Variants in ANKRD30BL observed in about 807,000 individuals in gnomAD.
The protein encoded by ANKRD30BL is putative ankyrin repeat domain-containing protein 30B-like.
In ANKRD30BL, 20 loss-of-function variants were observed where a neutral mutation model predicts 18.4. The ratio of observed to expected loss-of-function variants is 1.09; its 90% CI spans 0.77 to 1.58. The LOEUF is 1.58. Ranked by LOEUF, ANKRD30BL falls within the 40% of genes most tolerant of loss-of-function variation. The probability of loss-of-function intolerance (pLI) is 0.00; values close to 1 mark genes in which losing one functional copy is unlikely to be tolerated. For missense variants in ANKRD30BL, 224 were observed against 268.6 expected (o/e 0.83, Z 1.16); for synonymous variants, 72 against 100.9 (o/e 0.71, Z 1.72).
intron 1 of ANKRD30BL, among the ~76,000 whole-genome samples, chr2:132,252,762 C>A (rs77382622): frequency 6.6e-6 from 1 of 152,052 alleles, no homozygotes; most frequent in East Asian, 1.9e-4. Context: ...CGTGAGACGA[C>A]GACGGCATGG....
intron 1 of ANKRD30BL, among the ~76,000 whole-genome samples, chr2:132,198,273 TTTC>T (rs1202718702): frequency 4.6e-3 from 130 of 28,456 alleles, no homozygotes; most frequent in African/African-American, 0.012. Context: ...CTTTCTTTTC[TTTC>T]TTTCTTTCTT....
At chr2:132,163,845 T>C (rs938264521), upstream of ANKRD30BL, among the ~76,000 whole-genome samples, 6 of 152,236 alleles carry the variant, frequency 3.9e-5, no homozygotes, top group African/African-American at 1.4e-4. Context: ...GACTTGAGTG[T>C]TAGATATGCT....
At position 132,186,547 on chromosome 2, in the gene ANKRD30BL, A is replaced by G. The variant is rs190977587; in HGVS notation, n.442-29401T>C. Among the ~76,000 whole-genome samples, 18 of 152,354 alleles carry G rather than the reference A, an allele frequency of 1.2e-4. 1 individual carries two copies. The Middle Eastern group carries it at 0.014, about 115-fold the overall frequency. On this transcript the variant is annotated intron_variant and non_coding_transcript_variant, in intron 1 of 4. Coordinates refer to the ANKRD30BL transcript ENST00000470729. ...GGAAAGCTTAATGTTAGTGTTTACC[A>G]TAGCCTTACTAATATAATCCTATAA...
intron 1 of ANKRD30BL, chr2:132,257,410 C>T (rs1680888833): frequency 1.2e-5 from 4 of 322,126 alleles, no homozygotes; most frequent in East Asian, 1.3e-4. Context: ...GACGCCGGCC[C>T]GGCCCGGCGG....
intron 1 of ANKRD30BL, among the ~76,000 whole-genome samples, chr2:132,185,584 A>G (rs1331124187): frequency 6.6e-6 from 1 of 152,218 alleles, no homozygotes; most frequent in African/African-American, 2.4e-5. Context: ...TGGTTATTAA[A>G]GCAAGTCTTG....
chr2:132,215,845 T>A (rs1004949208), intron 1 of ANKRD30BL, among the ~76,000 whole-genome samples: 2 of 152,114 alleles, frequency 1.3e-5, no homozygotes, highest in African/African-American at 4.8e-5. Context: ...ATTTGAGGCC[T>A]AAGGTGAAAA....
At chr2:132,255,307 C>T (rs573334050) in intron 1 of ANKRD30BL, among the ~76,000 whole-genome samples, 139 of 151,074 alleles carry the variant, frequency 9.2e-4, no homozygotes, top group African/African-American at 2.9e-3. Flanking sequence ...GCCTCAGTTC[C>T]GAAAACCAAC....
rs1193358076 is a variant in ANKRD30BL at position 132,187,188 on chromosome 2, GTT to G, written n.442-30044_442-30043del. On this transcript the variant is annotated intron_variant and non_coding_transcript_variant, in intron 1 of 4. Coordinates refer to the ANKRD30BL transcript ENST00000470729. ...AAGTTTTTTGTTTTTTTTTTTGTTT[GTT>G]TTTTTTTTTTTTTTTTTTTGAGAGA... Among the ~76,000 whole-genome samples, 271 of 90,632 alleles carry G rather than the reference GTT, an allele frequency of 3.0e-3. 2 individuals carry two copies. The highest frequency in any genetic ancestry group is 9.0e-3 in the African/African-American group (224 of 24,934). 59.5% of individuals were successfully genotyped at this position (90,632 alleles called of 152,430 possible). A position where few individuals can be genotyped will look rare whatever the true frequency, so the allele number is the denominator to read the frequency against.
At chr2:132,235,249 C>T (rs1208306621) in intron 1 of ANKRD30BL, among the ~76,000 whole-genome samples, 1 of 152,122 alleles carries the variant, frequency 6.6e-6, no homozygotes, top group Non-Finnish European at 1.5e-5. Flanking sequence ...TGGGCAAAAA[C>T]TGGAAGCATT....
intron 4 of ANKRD30BL, chr2:132,153,596 A>T: frequency 1.4e-6 from 1 of 734,592 alleles, no homozygotes; most frequent in Non-Finnish European, 2.3e-6. Flanking sequence ...TTCTGCAATC[A>T]TTCCACATGT....
At chr2:132,215,639 G>C (rs989110978) in intron 1 of ANKRD30BL, among the ~76,000 whole-genome samples, 1 of 151,746 alleles carries the variant, frequency 6.6e-6, no homozygotes, top group East Asian at 1.9e-4. Context: ...TCCTTTTGTA[G>C]CATCTGCAAG....
At chr2:132,162,872 G>A (rs1397222682), upstream of ANKRD30BL, among the ~76,000 whole-genome samples, 1 of 152,266 alleles carries the variant, frequency 6.6e-6, no homozygotes, top group African/African-American at 2.4e-5. Flanking sequence ...AGGGGAGTTT[G>A]GGGTTGCTTG....
intron 4 of ANKRD30BL, chr2:132,152,388 G>A (rs1018850560): frequency 1.3e-5 from 2 of 152,206 alleles, no homozygotes; most frequent in African/African-American, 4.8e-5. Flanking sequence ...ATCAGTGATG[G>A]ATGAGGCTTA....
At chr2:132,156,155 G>C (rs1362575266) in intron 3 of ANKRD30BL, 1 of 151,338 alleles carries the variant, frequency 6.6e-6, no homozygotes, top group East Asian at 2.0e-4. Flanking sequence ...TGAATTTTAA[G>C]GGACAATTCT....
chr2:132,230,961 C>A (rs565595299), intron 1 of ANKRD30BL, among the ~76,000 whole-genome samples: 1 of 151,680 alleles, frequency 6.6e-6, no homozygotes, highest in Admixed American at 6.6e-5. Context: ...GAATGCTTTG[C>A]AGCCTTCATT....
intron 1 of ANKRD30BL, among the ~76,000 whole-genome samples, chr2:132,252,771 G>A: frequency 6.6e-6 from 1 of 151,934 alleles, no homozygotes; most frequent in East Asian, 1.9e-4. Context: ...ACGACGGCAT[G>A]GGACCTTCCA....
chr2:132,240,221 C>T (rs796570555), intron 1 of ANKRD30BL, among the ~76,000 whole-genome samples: 1 of 151,218 alleles, frequency 6.6e-6, no homozygotes, highest in South Asian at 2.1e-4. Context: ...CACAGAGTTA[C>T]ACCTTTCCTT....
At position 132,223,940 on chromosome 2, in the gene ANKRD30BL, C is replaced by A. The variant is rs367600475; in HGVS notation, n.441+33589G>T. Among the ~76,000 whole-genome samples the A allele has an allele frequency of 1.2e-4, 19 of 152,184 alleles. No homozygotes were observed. The East Asian group carries it at 3.1e-3, about 25-fold the overall frequency. On this transcript the variant is annotated intron_variant and non_coding_transcript_variant, in intron 1 of 4. Transcript: ENST00000470729. ...AGTGGATATTTGGAACGCTTTGAGGCCTTCGTTGGAAACGAGAATATCTTC... is the reference window on the plus strand; with the variant it reads ...AGTGGATATTTGGAACGCTTTGAGGACTTCGTTGGAAACGAGAATATCTTC...
intron 1 of ANKRD30BL, among the ~76,000 whole-genome samples, chr2:132,236,978 A>C (rs1680167514): frequency 6.6e-6 from 1 of 151,858 alleles, no homozygotes; most frequent in South Asian, 2.1e-4. Flanking sequence ...CTTTGTAGGG[A>C]CATGGATGAA....
Sources: allele counts gnomAD v4.1 joint callset (sites outside exome capture counted in the v4.1 genomes callset), GRCh38; gene constraint gnomAD v4.1.1; transcripts MANE v1.5; gene names NCBI Gene and HGNC (gene_info 2026-07-23, HGNC 2026-07-21).